Variants in UQCRC2 observed in about 807,000 individuals in gnomAD.
The protein encoded by UQCRC2 is cytochrome b-c1 complex subunit 2, mitochondrial.
Under a neutral mutation model 55.6 loss-of-function variants are expected in UQCRC2, and 49 were observed. The observed-to-expected ratio is 0.88, with a 90% CI of 0.70 to 1.12. The LOEUF (loss-of-function observed/expected upper bound fraction) is 1.12. Ranked by LOEUF, UQCRC2 falls within the 50% of genes most tolerant of loss-of-function variation. The pLI is 0.00. For missense variants in UQCRC2, 506 were observed against 547.8 expected, an observed-to-expected ratio of 0.92 and a Z score of 0.76; for synonymous variants, 193 against 192.0, an observed-to-expected ratio of 1.01 and a Z score of -0.04.
intron 1 of UQCRC2, 89 bp from the exon 2 acceptor site, chr16:21,957,146 C>G: frequency 7.8e-7 from 1 of 1,280,570 alleles, no homozygotes; most frequent in Non-Finnish European, 1.1e-6. Context: ...CGAACACCCT[C>G]TGTCGCTTGG....
At chr16:21,982,050 C>CAG (rs562775237) in intron 13 of UQCRC2, among the ~76,000 whole-genome samples, 48 of 151,988 alleles carry the variant, frequency 3.2e-4, no homozygotes, top group African/African-American at 9.2e-4. Flanking sequence ...CCATGTTAGC[C>CAG]AGGATGGTCT....
intron 11 of UQCRC2, among the ~76,000 whole-genome samples, chr16:21,974,762 G>A (rs1898541970): frequency 6.6e-6 from 1 of 152,176 alleles, no homozygotes; most frequent in Non-Finnish European, 1.5e-5. Context: ...ATCGGAGATA[G>A]AAAATTATAA....
chr16:21,956,173 T>G (rs1005410787), intron 1 of UQCRC2, among the ~76,000 whole-genome samples: 1 of 151,890 alleles, frequency 6.6e-6, no homozygotes, highest in Non-Finnish European at 1.5e-5. Flanking sequence ...GATGAAACCA[T>G]TTCAATTGGA....
intron 6 of UQCRC2, among the ~76,000 whole-genome samples, chr16:21,964,967 T>G (rs774444050): frequency 2.0e-5 from 3 of 152,174 alleles, no homozygotes; most frequent in Non-Finnish European, 4.4e-5. Context: ...GAAGCTCCCA[T>G]TGGTCCCCTG....
chr16:21,972,915 C>T (rs979351001), intron 10 of UQCRC2, among the ~76,000 whole-genome samples: 21 of 152,140 alleles, frequency 1.4e-4, no homozygotes, highest in Middle Eastern at 3.2e-3. Flanking sequence ...TCCTGGCTAA[C>T]ACAGTGAAAC....
At chr16:21,960,857 G>T (rs1251355921) in intron 4 of UQCRC2, among the ~76,000 whole-genome samples, 1 of 152,040 alleles carries the variant, frequency 6.6e-6, no homozygotes, top group Non-Finnish European at 1.5e-5. Context: ...TAAAGACAGG[G>T]TCTTGCTCTG....
At chr16:21,971,759 T>A in intron 9 of UQCRC2, 139 bp downstream of exon 9, 1 of 1,320,766 alleles carries the variant, frequency 7.6e-7, no homozygotes, top group South Asian at 1.3e-5. Flanking sequence ...TGTTGTATTT[T>A]GAGCATATGT....
chr16:21,958,736 T>C, intron 4 of UQCRC2, 137 bp downstream of exon 4: 2 of 737,564 alleles, frequency 2.7e-6, no homozygotes, highest in Non-Finnish European at 4.5e-6. Flanking sequence ...TTTGAGTATA[T>C]CAAACTGTAA....
chr16:21,969,268 T>C (rs919349213), intron 8 of UQCRC2, among the ~76,000 whole-genome samples: 1 of 152,190 alleles, frequency 6.6e-6, no homozygotes, highest in African/African-American at 2.4e-5. Flanking sequence ...GCATGGTGGC[T>C]CATGCCTGTA....
chr16:21,980,752 A>G, intron 13 of UQCRC2, 52 bp downstream of exon 13: 1 of 1,597,952 alleles, frequency 6.3e-7, no homozygotes. Context: ...AACCTTAATG[A>G]TCCAATTTCA....
chr16:21,982,596 A>G (rs1227832346), intron 13 of UQCRC2, among the ~76,000 whole-genome samples: 1 of 152,120 alleles, frequency 6.6e-6, no homozygotes, highest in Non-Finnish European at 1.5e-5. Context: ...TTCCTCCCAC[A>G]CTGTCCCAAA....
At position 21,953,364 on chromosome 16, in the gene UQCRC2, C is replaced by G. The variant is rs1156538592; in HGVS notation, c.-60C>G. 2 of 1,594,448 alleles carry G rather than the reference C, an allele frequency of 1.3e-6. No individual in the cohort carries two copies. Among genetic ancestry groups the G allele is most frequent in the East Asian group, 4.5e-5 (2 of 44,254 alleles). On this transcript the variant is annotated 5_prime_UTR_variant, in exon 1 of 14. Coordinates refer to ENST00000268379, the MANE Select transcript of UQCRC2 (RefSeq NM_003366.4). ...GGAACGCTGGGAAACTCCCGGCCTCCGCCACCATCTTGCTTTCCTTTAATC... is the reference window on the plus strand; with the variant it reads ...GGAACGCTGGGAAACTCCCGGCCTCGGCCACCATCTTGCTTTCCTTTAATC...
chr16:21,969,054 A>G (rs1277235564), intron 8 of UQCRC2, among the ~76,000 whole-genome samples: 1 of 152,210 alleles, frequency 6.6e-6, no homozygotes, highest in East Asian at 1.9e-4. Flanking sequence ...TGTGTAGCCA[A>G]CTATCTTTGT....
In UQCRC2 at chr16:21,966,625, A is replaced by G. The variant is rs148502240; in HGVS notation, c.612+1120A>G. 1.2e-3 allele frequency among the ~76,000 whole-genome samples: 179 copies of G among 152,320 alleles called. 1 individual carries two copies. The highest frequency in any genetic ancestry group is 4.1e-3 in the African/African-American group (170 of 41,576). ...ATCCCTTGCTCTTTTTGACTTATCA[A>G]TTAACAGTTTGATGCCTTTCATTCA... On this transcript the variant is annotated intron_variant, in intron 7 of 13. Coordinates refer to ENST00000268379, the MANE Select transcript of UQCRC2 (RefSeq NM_003366.4).
intron 12 of UQCRC2, chr16:21,976,855 T>G (rs1898598519): frequency 3.9e-5 from 6 of 152,200 alleles, no homozygotes; most frequent in Admixed American, 3.9e-4. Flanking sequence ...TCTGTTTCCA[T>G]TGATTCAAAT....
intron 13 of UQCRC2, among the ~76,000 whole-genome samples, chr16:21,981,020 T>C (rs1898712656): frequency 6.6e-6 from 1 of 152,164 alleles, no homozygotes; most frequent in Non-Finnish European, 1.5e-5. Context: ...GTTAAACTAA[T>C]GGTAGTTTAT....
chr16:21,965,396 C>T lies in UQCRC2; in HGVS notation c.515-12C>T. The T allele has an allele frequency of 6.2e-7, 1 of 1,612,774 alleles. No individual in the cohort carries two copies. The highest frequency in any genetic ancestry group is 8.5e-7 in the Non-Finnish European group (1 of 1,178,986). ...GTGCATTTCCCTAAATGCTTCTTCA[C>T]TTATCTCACAGATGTCATTGAAAAT... On this transcript the variant is annotated splice_polypyrimidine_tract_variant and intron_variant, in intron 6 of 13. Transcript: ENST00000268379.
chr16:21,960,215 C>G (rs925351511), intron 4 of UQCRC2, among the ~76,000 whole-genome samples: 4 of 152,176 alleles, frequency 2.6e-5, no homozygotes, highest in Admixed American at 2.0e-4. Flanking sequence ...CCACCTTCAT[C>G]GATGATCTTA....
Position 21,965,422 on chromosome 16 carries a change from T to C in UQCRC2, c.529T>C (p.Leu177=). ...TTATCTCACAGATGTCATTGAAAAT[T>C]TGCATGCAGCAGCTTACCGGAATGC... ...QNPQTHVIEN[L]HAAAYRNALA... The change falls in exon 7 of 14, where the codon TTG becomes CTG. Residue 177 remains leucine, a synonymous_variant. Coordinates refer to ENST00000268379, the MANE Select transcript of UQCRC2 (RefSeq NM_003366.4). The C allele has an allele frequency of 6.2e-7, 1 of 1,613,926 alleles. No homozygotes were observed.
Sources: allele counts gnomAD v4.1 joint callset (sites outside exome capture counted in the v4.1 genomes callset), GRCh38; gene constraint gnomAD v4.1.1; transcripts MANE v1.5; gene names NCBI Gene and HGNC (gene_info 2026-07-23, HGNC 2026-07-21).